The following GPATCH2 variants were observed in gnomAD, a reference collection of about 807,000 sequenced individuals.
The protein encoded by GPATCH2 is G patch domain-containing protein 2.
In GPATCH2, 51 loss-of-function variants were observed where a neutral mutation model predicts 58.0. That is an observed-to-expected ratio of 0.88 (90% CI 0.70 to 1.11). The LOEUF is 1.11. Among genes scored for constraint, GPATCH2 ranks in the 50% most tolerant of loss-of-function variants. The pLI, the probability that GPATCH2 is intolerant of heterozygous loss-of-function variation, is 0.00. For missense variants in GPATCH2, 625 were observed against 652.2 expected (o/e 0.96, Z 0.45); for synonymous variants, 222 against 218.5 (o/e 1.02, Z -0.14).
At position 217,431,095 on chromosome 1, in the gene GPATCH2, C is replaced by T; in HGVS notation, c.*50G>A. On this transcript the variant is annotated 3_prime_UTR_variant, in exon 10 of 10. Transcript: ENST00000366935. ...CAGAAGTCATGTTATCATTTTAGAA[C>T]AATGGGACATAGTGAATAAAGTCTG... 1.1e-6 allele frequency: 1 copy of T among 923,594 alleles called. No individual in the cohort carries two copies. Among genetic ancestry groups the T allele is most frequent in the Non-Finnish European group, 1.8e-6 (1 of 550,570 alleles). The allele number at this position is 923,594 out of a possible 1,614,324, so 57.2% of individuals were successfully genotyped here.
At chr1:217,524,308 C>T (rs1193977916) in intron 5 of GPATCH2, among the ~76,000 whole-genome samples, 3 of 148,758 alleles carry the variant, frequency 2.0e-5, no homozygotes, top group South Asian at 2.1e-4. Flanking sequence ...GGGATGGCGG[C>T]TGGGAAGAGG....
intron 5 of GPATCH2, among the ~76,000 whole-genome samples, chr1:217,568,153 C>T (rs999993357): frequency 1.3e-5 from 2 of 152,048 alleles, no homozygotes; most frequent in South Asian, 4.1e-4. Flanking sequence ...AAAACCCCAA[C>T]ATTATTTATA....
intron 5 of GPATCH2, among the ~76,000 whole-genome samples, chr1:217,565,086 T>C (rs891954417): frequency 6.6e-6 from 1 of 152,172 alleles, no homozygotes; most frequent in African/African-American, 2.4e-5. Flanking sequence ...TACATTCAAC[T>C]CTAAAAGGTA....
chr1:217,462,754 C>G (rs926607942), intron 8 of GPATCH2, among the ~76,000 whole-genome samples: 1 of 152,132 alleles, frequency 6.6e-6, no homozygotes, highest in Non-Finnish European at 1.5e-5. Context: ...TTTAAATTAT[C>G]TGTTTTTTCA....
At chr1:217,579,373 G>C (rs958819544) in intron 5 of GPATCH2, among the ~76,000 whole-genome samples, 5 of 146,704 alleles carry the variant, frequency 3.4e-5, no homozygotes, top group African/African-American at 1.3e-4. Flanking sequence ...ACACAGACAA[G>C]AAAAAAAAAA....
chr1:217,588,952 G>A (rs555991132), intron 5 of GPATCH2, among the ~76,000 whole-genome samples: 2 of 152,122 alleles, frequency 1.3e-5, no homozygotes, highest in Non-Finnish European at 1.5e-5. Context: ...CTGCTTACGT[G>A]AACTAGGCTG....
chr1:217,562,683 T>C (rs1665985703), intron 5 of GPATCH2, among the ~76,000 whole-genome samples: 1 of 152,176 alleles, frequency 6.6e-6, no homozygotes, highest in African/African-American at 2.4e-5. Context: ...GATAGACACA[T>C]ATGTTCAAAC....
At chr1:217,450,196 G>T (rs1316564648) in intron 8 of GPATCH2, among the ~76,000 whole-genome samples, 1 of 152,094 alleles carries the variant, frequency 6.6e-6, no homozygotes, top group Non-Finnish European at 1.5e-5. Context: ...GCAGGGTTGG[G>T]ATAGGGCCTG....
rs376518206 is a variant in GPATCH2 at position 217,543,074 on chromosome 1, T to A, written c.1099-28185A>T. ...GTTCTGCCTGTTTTACCTACATCAG[T>A]CCACTTAGCCTTATTTCATATCTGC... On this transcript the variant is annotated intron_variant, in intron 5 of 9. Transcript: ENST00000366935. 2.0e-5 allele frequency among the ~76,000 whole-genome samples: 3 copies of A among 152,218 alleles called. No individual in the cohort carries two copies. In the East Asian group the frequency reaches 5.8e-4, roughly 29 times the overall value.
At position 217,619,420 on chromosome 1, in the gene GPATCH2, A is replaced by T. The variant is rs564674637; in HGVS notation, c.773+363T>A. ...ATAGATTAATGAATTGTGACACTCT[A>T]TAAAGTACCAAAAGCTAAAGGTCTA... is the stretch of plus-strand genomic sequence containing the variant. On this transcript the variant is annotated intron_variant, in intron 2 of 9. Coordinates refer to ENST00000366935, the MANE Select transcript of GPATCH2 (RefSeq NM_018040.5). Among the ~76,000 whole-genome samples the T allele has an allele frequency of 5.9e-5, 9 of 152,336 alleles. No homozygotes were observed. The East Asian group carries it at 1.7e-3, about 29-fold the overall frequency.
intron 9 of GPATCH2, among the ~76,000 whole-genome samples, chr1:217,433,193 A>G (rs1658627095): frequency 6.6e-6 from 1 of 151,938 alleles, no homozygotes; most frequent in African/African-American, 2.4e-5. Flanking sequence ...TTTCTCTGAG[A>G]CTATGTTCAG....
At chr1:217,519,119 G>A (rs1168439612) in intron 5 of GPATCH2, among the ~76,000 whole-genome samples, 3 of 152,200 alleles carry the variant, frequency 2.0e-5, no homozygotes, top group Non-Finnish European at 4.4e-5. Flanking sequence ...AAATAAATGT[G>A]TTGAATATTT....
chr1:217,608,236 C>G (rs767565660), intron 5 of GPATCH2: 56 of 967,054 alleles, frequency 5.8e-5, no homozygotes, highest in Non-Finnish European at 6.6e-5. Context: ...AATTACAGTA[C>G]TTAAAAATTC....
chr1:217,452,974 C>T (rs1452758989), intron 8 of GPATCH2, among the ~76,000 whole-genome samples: 2 of 152,134 alleles, frequency 1.3e-5, no homozygotes, highest in Admixed American at 1.3e-4. Context: ...TTGCCCCACA[C>T]CCCCCTTCTT....
intron 5 of GPATCH2, among the ~76,000 whole-genome samples, chr1:217,567,863 T>C (rs1230125289): frequency 6.6e-6 from 1 of 152,178 alleles, no homozygotes; most frequent in Non-Finnish European, 1.5e-5. Context: ...ACGCCTGTAA[T>C]CCCAGCAATT....
chr1:217,541,497 T>C (rs890384214), intron 5 of GPATCH2, among the ~76,000 whole-genome samples: 10 of 152,222 alleles, frequency 6.6e-5, no homozygotes, highest in African/African-American at 1.2e-4. Flanking sequence ...TACAGTCTTG[T>C]GAGTCACTAG....
chr1:217,470,247 C>T (rs925553863), intron 8 of GPATCH2, among the ~76,000 whole-genome samples: 1 of 152,182 alleles, frequency 6.6e-6, no homozygotes, highest in African/African-American at 2.4e-5. Flanking sequence ...ACTGGAACAG[C>T]TTTCACATGC....
chr1:217,488,854 A>G (rs1661577433), intron 8 of GPATCH2, among the ~76,000 whole-genome samples: 1 of 146,460 alleles, frequency 6.8e-6, no homozygotes, highest in Non-Finnish European at 1.5e-5. Context: ...GCCATAGACT[A>G]TTTAAAATTT....
At chr1:217,547,588 C>T (rs1223006947) in intron 5 of GPATCH2, among the ~76,000 whole-genome samples, 1 of 152,140 alleles carries the variant, frequency 6.6e-6, no homozygotes, top group Non-Finnish European at 1.5e-5. Flanking sequence ...TTCACTGCAG[C>T]ACTATTCACA....
Sources: allele counts gnomAD v4.1 joint callset (sites outside exome capture counted in the v4.1 genomes callset), GRCh38; gene constraint gnomAD v4.1.1; transcripts MANE v1.5; gene names NCBI Gene and HGNC (gene_info 2026-07-23, HGNC 2026-07-21).